The following BACE2 variants were observed in gnomAD, a reference collection of about 807,000 sequenced individuals.
The protein encoded by BACE2 is 56 kDa aspartic-like protease.
In BACE2, 17 loss-of-function variants were observed where a neutral mutation model predicts 46.2. That is an observed-to-expected ratio of 0.37 (90% CI 0.25 to 0.55). BACE2 has a LOEUF of 0.55. Among genes scored for constraint, BACE2 ranks in the 20% least tolerant of loss-of-function variants. The pLI, the probability that BACE2 is intolerant of heterozygous loss-of-function variation, is 0.82. For missense variants in BACE2, 595 were observed against 698.1 expected, an observed-to-expected ratio of 0.85 and a Z score of 1.66; for synonymous variants, 277 against 295.9, an observed-to-expected ratio of 0.94 and a Z score of 0.66.
intron 2 of BACE2, among the ~76,000 whole-genome samples, chr21:41,235,370 A>G (rs1987087437): frequency 6.6e-6 from 1 of 152,216 alleles, no homozygotes; most frequent in Non-Finnish European, 1.5e-5. Flanking sequence ...GTTACTGAGC[A>G]TTTGGATGGT....
intron 8 of BACE2, among the ~76,000 whole-genome samples, chr21:41,265,392 T>G (rs1988043013): frequency 6.6e-6 from 1 of 152,248 alleles, no homozygotes; most frequent in African/African-American, 2.4e-5. Flanking sequence ...TATTTGTAAT[T>G]TTAATGAATA....
At chr21:41,210,239 T>TTGGGGGG (rs1986255931) in intron 1 of BACE2, among the ~76,000 whole-genome samples, 1 of 151,972 alleles carries the variant, frequency 6.6e-6, no homozygotes, top group Admixed American at 6.6e-5. Context: ...AGACCCTTCT[T>TTGGGGGG]TTTGCCAAGG....
chr21:41,267,803 T>G (rs1314458111), intron 8 of BACE2, among the ~76,000 whole-genome samples: 2 of 152,170 alleles, frequency 1.3e-5, no homozygotes, highest in Non-Finnish European at 2.9e-5. Context: ...AAAAAAAATC[T>G]GGCTCTGGGT....
At position 41,169,807 on chromosome 21, in the gene BACE2, C is replaced by G. The variant is rs1384443472; in HGVS notation, c.312+1232C>G. ...TCAAACTTTGATTCTAGTTGCCTTT[C>G]GTCTAAGTCATGGGAAGCCACGTGA... On this transcript the variant is annotated intron_variant, in intron 1 of 8. Transcript: ENST00000330333. 3.3e-5 allele frequency among the ~76,000 whole-genome samples: 5 copies of G among 152,120 alleles called. No homozygotes were observed. In the East Asian group the frequency reaches 9.6e-4, roughly 29 times the overall value.
intron 1 of BACE2, among the ~76,000 whole-genome samples, chr21:41,206,724 C>A (rs1229164363): frequency 6.6e-6 from 1 of 152,102 alleles, no homozygotes; most frequent in African/African-American, 2.4e-5. Flanking sequence ...GGTTACACAA[C>A]AATGTGAATG....
At chr21:41,233,119 C>T (rs925379630) in intron 2 of BACE2, among the ~76,000 whole-genome samples, 5 of 152,046 alleles carry the variant, frequency 3.3e-5, no homozygotes, top group African/African-American at 9.7e-5. Flanking sequence ...CCACCTGCCT[C>T]GCCTCCCAAA....
chr21:41,248,384 G>A (rs955998310), intron 6 of BACE2, among the ~76,000 whole-genome samples: 1 of 152,142 alleles, frequency 6.6e-6, no homozygotes, highest in East Asian at 1.9e-4. Context: ...GAGCTCCCCA[G>A]GCCAGTCACT....
At chr21:41,207,426 C>T (rs57861202) in intron 1 of BACE2, among the ~76,000 whole-genome samples, 6,370 of 152,252 alleles carry the variant, frequency 0.042, 433 homozygotes, top group African/African-American at 0.14. Context: ...ATTGTTTTCA[C>T]TGGCATCAGT....
chr21:41,198,232 C>G (rs1427791325), intron 1 of BACE2, among the ~76,000 whole-genome samples: 1 of 152,162 alleles, frequency 6.6e-6, no homozygotes, highest in East Asian at 1.9e-4. Flanking sequence ...CTCAAGTGAT[C>G]TGCCCACCTC....
chr21:41,178,084 C>T (rs1339753709), intron 1 of BACE2: 1 of 152,204 alleles, frequency 6.6e-6, no homozygotes, highest in South Asian at 2.1e-4. Flanking sequence ...CATTCTTTGC[C>T]GTACAGGGCA....
chr21:41,205,338 A>G (rs188136226), intron 1 of BACE2, among the ~76,000 whole-genome samples: 18 of 152,320 alleles, frequency 1.2e-4, no homozygotes, highest in South Asian at 2.1e-4. Flanking sequence ...ACCTTAATCA[A>G]TATTTTATAA....
chr21:41,269,286 T>C (rs1342173317), intron 8 of BACE2, among the ~76,000 whole-genome samples: 2 of 152,230 alleles, frequency 1.3e-5, no homozygotes, highest in African/African-American at 4.8e-5. Context: ...AATGAGATTA[T>C]AACAGATGTG....
At chr21:41,190,306 T>C (rs1235230954) in intron 1 of BACE2, among the ~76,000 whole-genome samples, 1 of 152,246 alleles carries the variant, frequency 6.6e-6, no homozygotes, top group Non-Finnish European at 1.5e-5. Context: ...AACTATTCTT[T>C]GTACAACCTG....
At chr21:41,235,517 G>T (rs2123590998) in intron 2 of BACE2, among the ~76,000 whole-genome samples, 1 of 152,122 alleles carries the variant, frequency 6.6e-6, no homozygotes, top group African/African-American at 2.4e-5. Flanking sequence ...CATTTTTGAT[G>T]CTTATGAGAT....
intron 1 of BACE2, chr21:41,176,988 C>T (rs1428453195): frequency 6.6e-6 from 1 of 152,220 alleles, no homozygotes; most frequent in African/African-American, 2.4e-5. Context: ...CTGCAAATCC[C>T]TCCTCTACAA....
intron 1 of BACE2, among the ~76,000 whole-genome samples, chr21:41,211,331 A>T (rs1215928489): frequency 6.6e-6 from 1 of 152,160 alleles, no homozygotes; most frequent in Non-Finnish European, 1.5e-5. Flanking sequence ...ACACACAGCC[A>T]GAATAAATTG....
At chr21:41,221,784 A>C (rs528724108) in intron 1 of BACE2, among the ~76,000 whole-genome samples, 98 of 148,944 alleles carry the variant, frequency 6.6e-4, no homozygotes, top group African/African-American at 2.3e-3. Context: ...GCTGAGATAG[A>C]GCCACTGCAC....
chr21:41,217,225 G>A lies in BACE2; in HGVS notation c.313-9041G>A, dbSNP rs373019486. On this transcript the variant is annotated intron_variant, in intron 1 of 8. Transcript: ENST00000330333. ...ATTACAGGCGTGAGCCACTGCGCCC[G>A]GCCCAATCTAGAGCTGTTCTTATCT... Among the ~76,000 whole-genome samples, 27 of 152,322 alleles carry A rather than the reference G, an allele frequency of 1.8e-4. No individual in the cohort carries two copies. The East Asian group carries it at 2.3e-3, about 13-fold the overall frequency.
intron 1 of BACE2, among the ~76,000 whole-genome samples, chr21:41,221,720 C>T (rs1436381880): frequency 6.6e-5 from 10 of 150,550 alleles, no homozygotes; most frequent in South Asian, 4.2e-4. Flanking sequence ...CCCAGCTACT[C>T]GGGAGGCTGA....
Sources: gnomAD v4.1 joint callset for allele counts (sites outside exome capture counted in the v4.1 genomes callset) on GRCh38, gnomAD v4.1.1 for gene constraint, MANE v1.5 for transcripts, NCBI Gene and HGNC (gene_info 2026-07-23, HGNC 2026-07-21) for gene names.